Variants in GABRB2 observed in about 807,000 individuals in gnomAD.
GABRB2 encodes gamma-aminobutyric acid receptor subunit beta-2.
Under a neutral mutation model 54.7 loss-of-function variants are expected in GABRB2, and 16 were observed. The observed-to-expected ratio is 0.29, with a 90% CI of 0.20 to 0.44. GABRB2 has a LOEUF of 0.44. GABRB2 is among the 20% of genes least tolerant of loss of function. The probability of loss-of-function intolerance (pLI) is 1.00; values close to 1 mark genes in which losing one functional copy is unlikely to be tolerated. For synonymous variants in GABRB2, 244 were observed against 233.8 expected, an observed-to-expected ratio of 1.04 and a Z score of -0.40; for missense variants, 355 against 644.0, an observed-to-expected ratio of 0.55 and a Z score of 4.86.
At position 161,297,878 on chromosome 5, in the gene GABRB2, A is replaced by T. The variant is rs141713455; in HGVS notation, c.1192-3450T>A. Among the ~76,000 whole-genome samples the T allele has an allele frequency of 6.3e-3, 958 of 152,262 alleles. 21 individuals carry two copies. In the East Asian group the frequency reaches 0.076, roughly 12 times the overall value. On this transcript the variant is annotated intron_variant, in intron 9 of 9. Transcript: ENST00000393959. ...GCCACACTGTCTTCCACAATGGTTG[A>T]ACTAATTTACACTCCCACTAACAGT... is the stretch of plus-strand genomic sequence containing the variant.
At chr5:161,446,020 C>T (rs1757605101) in intron 4 of GABRB2, among the ~76,000 whole-genome samples, 1 of 152,090 alleles carries the variant, frequency 6.6e-6, no homozygotes. Context: ...CAAATGTCAC[C>T]TCCTAAAGTA....
intron 8 of GABRB2, among the ~76,000 whole-genome samples, chr5:161,327,861 A>T (rs1182205476): frequency 6.6e-6 from 1 of 151,976 alleles, no homozygotes; most frequent in East Asian, 1.9e-4. Flanking sequence ...GAAAAAAAAA[A>T]ATAACTATAG....
intron 3 of GABRB2, among the ~76,000 whole-genome samples, chr5:161,499,590 G>T (rs185393829): frequency 6.6e-6 from 1 of 152,256 alleles, no homozygotes; most frequent in East Asian, 1.9e-4. Flanking sequence ...CTTGTTAATG[G>T]CCATGCAGTA....
chr5:161,405,470 G>A (rs1046807568), intron 5 of GABRB2, among the ~76,000 whole-genome samples: 2 of 152,020 alleles, frequency 1.3e-5, no homozygotes, highest in South Asian at 2.1e-4. Context: ...GTACAAATGA[G>A]AAACTGCAGC....
chr5:161,336,823 A>AC, intron 5 of GABRB2, 54 bp from the exon 6 acceptor site: 1 of 1,540,580 alleles, frequency 6.5e-7, no homozygotes, highest in Non-Finnish European at 8.7e-7. Flanking sequence ...ACAAAAAAAA[A>AC]AAAACAGACA....
At chr5:161,469,370 T>C (rs1758370567) in intron 3 of GABRB2, among the ~76,000 whole-genome samples, 1 of 151,870 alleles carries the variant, frequency 6.6e-6, no homozygotes, top group African/African-American at 2.4e-5. Context: ...TAAATTTCTT[T>C]TATATTGAAA....
chr5:161,464,299 A>C, intron 3 of GABRB2, among the ~76,000 whole-genome samples: 2 of 152,246 alleles, frequency 1.3e-5, no homozygotes, highest in Middle Eastern at 6.8e-3. Flanking sequence ...CAGACACTTA[A>C]CCAAAGATAC....
At chr5:161,409,492 G>T (rs878966691) in intron 5 of GABRB2, among the ~76,000 whole-genome samples, 1 of 152,084 alleles carries the variant, frequency 6.6e-6, no homozygotes, top group Admixed American at 6.6e-5. Context: ...TGAGAGGGTT[G>T]TGGAAGGCTC....
intron 3 of GABRB2, among the ~76,000 whole-genome samples, chr5:161,468,954 A>G (rs1581011692): frequency 6.6e-6 from 1 of 151,964 alleles, no homozygotes; most frequent in African/African-American, 2.4e-5. Flanking sequence ...AATATTTATG[A>G]CATGAACAGA....
intron 4 of GABRB2, among the ~76,000 whole-genome samples, chr5:161,421,994 C>CA (rs1318680707): frequency 6.6e-6 from 1 of 151,994 alleles, no homozygotes; most frequent in African/African-American, 2.4e-5. Context: ...ATCTAATCAG[C>CA]AAAAATTAAA....
At chr5:161,528,874 CTT>C (rs1760368627) in intron 3 of GABRB2, among the ~76,000 whole-genome samples, 1 of 151,782 alleles carries the variant, frequency 6.6e-6, no homozygotes. Flanking sequence ...AAACTAAAGT[CTT>C]TGAATTGATC....
intron 4 of GABRB2, among the ~76,000 whole-genome samples, chr5:161,425,959 T>G (rs1373482149): frequency 6.6e-6 from 1 of 152,154 alleles, no homozygotes; most frequent in Non-Finnish European, 1.5e-5. Flanking sequence ...ATCAAGGATC[T>G]CTCACATGTT....
intron 3 of GABRB2, among the ~76,000 whole-genome samples, chr5:161,521,006 T>C (rs1241539951): frequency 6.6e-6 from 1 of 152,036 alleles, no homozygotes; most frequent in African/African-American, 2.4e-5. Flanking sequence ...TTGTTGCCTG[T>C]GACTGAGAAC....
At chr5:161,346,124 C>G (rs1219663190) in intron 5 of GABRB2, among the ~76,000 whole-genome samples, 1 of 152,072 alleles carries the variant, frequency 6.6e-6, no homozygotes. Context: ...TAAAAGGTAG[C>G]TACCAAGTTA....
At chr5:161,502,955 T>C (rs1208512793) in intron 3 of GABRB2, among the ~76,000 whole-genome samples, 1 of 152,138 alleles carries the variant, frequency 6.6e-6, no homozygotes, top group Non-Finnish European at 1.5e-5. Context: ...TGGAGATGTG[T>C]GAGCTGACTG....
intron 3 of GABRB2, among the ~76,000 whole-genome samples, chr5:161,494,645 G>A (rs1293395066): frequency 9.2e-5 from 14 of 151,616 alleles, no homozygotes; most frequent in Admixed American, 7.9e-4. Flanking sequence ...ACTTTTCTAA[G>A]TGGAGAAGTA....
chr5:161,400,999 C>T (rs150495309), intron 5 of GABRB2, among the ~76,000 whole-genome samples: 6 of 152,238 alleles, frequency 3.9e-5, no homozygotes, highest in African/African-American at 1.4e-4. Flanking sequence ...GACTTCCCCT[C>T]AATCTCTCTG....
chr5:161,522,567 T>C (rs1760148531), intron 3 of GABRB2, among the ~76,000 whole-genome samples: 1 of 151,746 alleles, frequency 6.6e-6, no homozygotes, highest in Admixed American at 6.6e-5. Context: ...GTTGCAAATT[T>C]TAAAATAAAG....
intron 3 of GABRB2, among the ~76,000 whole-genome samples, chr5:161,512,314 C>T (rs140498028): frequency 3.3e-4 from 50 of 152,092 alleles, no homozygotes; most frequent in African/African-American, 9.9e-4. Context: ...AAGCTGGAGG[C>T]ATCACCTTAC....
Sources: gnomAD v4.1 joint callset for allele counts (sites outside exome capture counted in the v4.1 genomes callset) on GRCh38, gnomAD v4.1.1 for gene constraint, MANE v1.5 for transcripts, NCBI Gene and HGNC (gene_info 2026-07-23, HGNC 2026-07-21) for gene names.